The following UNK variants were observed in gnomAD, a reference collection of about 807,000 sequenced individuals.
UNK encodes the protein RING finger protein unkempt homolog.
UNK carries 32 observed loss-of-function variants against 97.6 expected under a neutral mutation model. The observed-to-expected ratio is 0.33, with a 90% CI of 0.25 to 0.44. UNK has a LOEUF of 0.44. Ranked by LOEUF, UNK falls within the 20% of genes least tolerant of loss-of-function variation. The pLI is 1.00. For synonymous variants in UNK, 441 were observed against 461.2 expected (o/e 0.96, Z 0.56); for missense variants, 771 against 1,098.4 (o/e 0.70, Z 4.21).
chr17:75,815,711 T>A (rs1452367153), intron 7 of UNK, among the ~76,000 whole-genome samples: 1 of 151,964 alleles, frequency 6.6e-6, no homozygotes, highest in African/African-American at 2.4e-5. Context: ...TTTAAGCATG[T>A]TAACAAAAAT....
chr17:75,796,713 G>A (rs990643251), intron 1 of UNK, among the ~76,000 whole-genome samples: 1 of 152,140 alleles, frequency 6.6e-6, no homozygotes, highest in African/African-American at 2.4e-5. Flanking sequence ...GAATGTGTAT[G>A]TATATCCTTA....
At chr17:75,793,226 A>T (rs953971759) in intron 1 of UNK, among the ~76,000 whole-genome samples, 2 of 152,130 alleles carry the variant, frequency 1.3e-5, no homozygotes, top group African/African-American at 4.8e-5. Context: ...GAGGTGGAAG[A>T]GAAGTTTGCT....
At chr17:75,794,180 T>C (rs757988392) in intron 1 of UNK, 14 of 968,480 alleles carry the variant, frequency 1.4e-5, no homozygotes, top group Non-Finnish European at 1.7e-5. Context: ...AAATATCCAG[T>C]AGAGCATGCT....
chr17:75,818,168 G>T lies in UNK; in HGVS notation c.1371G>T (p.Gln457His). 1 of 1,613,474 alleles carries T rather than the reference G, an allele frequency of 6.2e-7. No individual in the cohort carries two copies. The change falls in exon 10 of 16, where the codon CAG becomes CAT. Residue 457 changes from glutamine to histidine, a missense_variant and splice_region_variant. This residue lies in a region of UNK where 192 missense variants were observed against 202.4 expected (regional missense o/e 0.95). Transcript: ENST00000589666. The surrounding 1 kb of genome is among the most constrained non-coding windows in gnomAD (Gnocchi z 5.1). ...AGCAGCCTCTGCTTCAGCCCAAACA[G>T]GTATAGAGCTCTCAGCCCCCTTCCT... ...SQEQPLLQPK[Q>H]DMLGILPAGS...
In UNK at chr17:75,799,045, G is replaced by A. The variant is rs150844321; in HGVS notation, c.105-10715G>A. ...CGGGCCACTGGACTCCAGTCTGGGC[G>A]ATAGTGCGAGACTCCATCTCAAAAA... is the stretch of plus-strand genomic sequence containing the variant. On this transcript the variant is annotated intron_variant, in intron 1 of 15. Transcript: ENST00000589666. Among the ~76,000 whole-genome samples, 717 of 151,632 alleles carry A rather than the reference G, an allele frequency of 4.7e-3. 5 individuals are homozygous for A. The highest frequency in any genetic ancestry group is 0.016 in the African/African-American group (657 of 41,312).
Position 75,818,935 on chromosome 17 carries a change from A to G in UNK, c.1546+119A>G, listed in dbSNP as rs1220671523. On this transcript the variant is annotated intron_variant, in intron 11 of 15. Transcript: ENST00000589666. The surrounding 1 kb of genome is among the most constrained non-coding windows in gnomAD (Gnocchi z 5.1). ...CCCCTTAGACATCTGTCTTCGGAAAATCAGGGGATGGGCACTCTGAGTCCT... is the reference window on the plus strand; with the variant it reads ...CCCCTTAGACATCTGTCTTCGGAAAGTCAGGGGATGGGCACTCTGAGTCCT... 6.6e-6 allele frequency: 8 copies of G among 1,217,866 alleles called. No homozygotes were observed. In the East Asian group the frequency reaches 1.1e-4, roughly 17 times the overall value. 75.4% of individuals were successfully genotyped at this position (1,217,866 alleles called of 1,614,324 possible).
At chr17:75,807,190 T>C (rs1468122896) in intron 1 of UNK, among the ~76,000 whole-genome samples, 1 of 152,218 alleles carries the variant, frequency 6.6e-6, no homozygotes, top group African/African-American at 2.4e-5. Flanking sequence ...CAGGCAGGCA[T>C]GTGTCACTCT....
At chr17:75,822,138 C>T (rs979662654) in intron 13 of UNK, among the ~76,000 whole-genome samples, 1 of 152,212 alleles carries the variant, frequency 6.6e-6, no homozygotes, top group African/African-American at 2.4e-5. Flanking sequence ...TTGCCACTAT[C>T]GGGGGCCTGG....
intron 1 of UNK, chr17:75,794,051 A>T: frequency 1.0e-6 from 1 of 985,260 alleles, no homozygotes; most frequent in Non-Finnish European, 1.2e-6. Context: ...TGTGAATCAG[A>T]CCATCTAAAT....
At chr17:75,806,496 G>A (rs1426023030) in intron 1 of UNK, among the ~76,000 whole-genome samples, 11 of 151,080 alleles carry the variant, frequency 7.3e-5, no homozygotes, top group Admixed American at 4.6e-4. Context: ...ATTTTGGGCC[G>A]GGCGCGGTGG....
intron 1 of UNK, among the ~76,000 whole-genome samples, chr17:75,796,912 C>A (rs1286177017): frequency 6.6e-6 from 1 of 152,090 alleles, no homozygotes; most frequent in Non-Finnish European, 1.5e-5. Context: ...ACTTAAAGAA[C>A]CTTTGATAAG....
intron 1 of UNK, among the ~76,000 whole-genome samples, chr17:75,802,122 A>T (rs2061865363): frequency 6.6e-6 from 1 of 151,912 alleles, no homozygotes; most frequent in Admixed American, 6.6e-5. Context: ...GGCTGGGATT[A>T]CAGGAGTGAG....
chr17:75,806,327 C>T (rs967161116), intron 1 of UNK, among the ~76,000 whole-genome samples: 2 of 151,642 alleles, frequency 1.3e-5, no homozygotes, highest in South Asian at 2.1e-4. Context: ...GGCGTGGTAG[C>T]ATGCACCTGT....
Position 75,794,861 on chromosome 17 carries a change from C to T in UNK, c.104+9877C>T, listed in dbSNP as rs113685861. On this transcript the variant is annotated intron_variant, in intron 1 of 15. Coordinates refer to ENST00000589666, the MANE Select transcript of UNK (RefSeq NM_001080419.3). ...AATAAATGAGTTCATACATGTAAAGCGCTTAAAACAGTGCTTGGCACTTAG... is the reference window on the plus strand; with the variant it reads ...AATAAATGAGTTCATACATGTAAAGTGCTTAAAACAGTGCTTGGCACTTAG... 8.7e-3 allele frequency among the ~76,000 whole-genome samples: 1,321 copies of T among 152,234 alleles called. 16 individuals carry two copies. The highest frequency in any genetic ancestry group is 0.031 in the Middle Eastern group (9 of 294).
intron 1 of UNK, among the ~76,000 whole-genome samples, chr17:75,802,030 G>A (rs1285809059): frequency 6.6e-6 from 1 of 151,790 alleles, no homozygotes; most frequent in South Asian, 2.1e-4. Flanking sequence ...TGTATTTTTA[G>A]TAGAGATGGG....
chr17:75,791,581 C>G (rs2061764302), intron 1 of UNK, among the ~76,000 whole-genome samples: 1 of 152,204 alleles, frequency 6.6e-6, no homozygotes, highest in African/African-American at 2.4e-5. Flanking sequence ...TAATTTCTTG[C>G]AGGACAGAAA....
chr17:75,807,511 A>G (rs1229975863), intron 1 of UNK, among the ~76,000 whole-genome samples: 1 of 152,230 alleles, frequency 6.6e-6, no homozygotes, highest in Non-Finnish European at 1.5e-5. Context: ...GCTGGAGTGC[A>G]ATGGCACGAT....
intron 1 of UNK, among the ~76,000 whole-genome samples, chr17:75,799,071 C>CA (rs764969741): frequency 0.02 from 2,668 of 135,122 alleles, 33 homozygotes; most frequent in African/African-American, 0.036. Flanking sequence ...ATCTCAAAAA[C>CA]AAAAAAAAAA....
intron 1 of UNK, among the ~76,000 whole-genome samples, chr17:75,805,407 A>G (rs944705471): frequency 5.3e-5 from 8 of 151,506 alleles, no homozygotes; most frequent in African/African-American, 1.9e-4. Context: ...AGGAAAAAAA[A>G]AAAAAAAACA....
Sources: gnomAD v4.1 joint callset for allele counts (sites outside exome capture counted in the v4.1 genomes callset) on GRCh38, gnomAD v4.1.1 for gene constraint, gnomAD v4.1.1 regional missense constraint, Gnocchi (gnomAD v3.1) non-coding constraint, MANE v1.5 for transcripts, NCBI Gene and HGNC (gene_info 2026-07-23, HGNC 2026-07-21) for gene names.